GRIN2D: variants seen among roughly 807,000 people sequenced by gnomAD.
GRIN2D encodes glutamate ionotropic receptor NMDA type subunit 2D, also known as glutamate receptor ionotropic, NMDA 2D.
A neutral mutation model predicts 103.2 loss-of-function variants in GRIN2D; 37 were observed. The ratio of observed to expected loss-of-function variants is 0.36; its 90% CI spans 0.28 to 0.47. The LOEUF (loss-of-function observed/expected upper bound fraction) is 0.47, where lower values mean the gene tolerates loss of function less well. Among genes scored for constraint, GRIN2D ranks in the 20% least tolerant of loss-of-function variants. The pLI, the probability that GRIN2D is intolerant of heterozygous loss-of-function variation, is 1.00. For synonymous variants in GRIN2D, 845 were observed against 885.6 expected, an observed-to-expected ratio of 0.95 and a Z score of 0.81; for missense variants, 1,557 against 1,910.6, an observed-to-expected ratio of 0.81 and a Z score of 3.45.
At chr19:48,439,803 C>T (rs1477301534) in intron 11 of GRIN2D, among the ~76,000 whole-genome samples, 4 of 152,094 alleles carry the variant, frequency 2.6e-5, no homozygotes, top group East Asian at 1.9e-4. Flanking sequence ...ATTAGCCAGG[C>T]GTGGTGGCAC....
At position 48,443,872 on chromosome 19, in the gene GRIN2D, C is replaced by T; in HGVS notation, c.3946C>T (p.Arg1316Trp). 2.0e-6 allele frequency: 3 copies of T among 1,479,344 alleles called. No individual in the cohort carries two copies. The highest frequency in any genetic ancestry group is 2.7e-6 in the Non-Finnish European group (3 of 1,122,760). The allele number at this position is 1,479,344 out of a possible 1,614,324, so 91.6% of individuals were successfully genotyped here. ...PLPTASHRRH[R>W]GGDLGTRRGS... ...GCCCACAGCTTCCCACCGGAGACACCGGGGCGGGGACCTGGGCACCCGCAG... is the reference window on the plus strand; with the variant it reads ...GCCCACAGCTTCCCACCGGAGACACTGGGGCGGGGACCTGGGCACCCGCAG... The change falls in exon 14 of 14, where the codon CGG becomes TGG. Residue 1316 changes from arginine (R) to tryptophan (W), a missense_variant. Around this residue, in one of 7 missense-constraint regions of GRIN2D, gnomAD observed 88 missense variants for 84.3 expected, o/e 1.04. Coordinates refer to ENST00000263269, the MANE Select transcript of GRIN2D (RefSeq NM_000836.4). The surrounding 1 kb of genome is among the most constrained non-coding windows in gnomAD (Gnocchi z 8.9).
In GRIN2D at chr19:48,398,575, G is replaced by C. The variant is rs1012243400; in HGVS notation, c.183G>C (p.Ala61=). ...LNVALVFSGP[A]YAAEAARLGP... is the part of the protein sequence containing the mutation. ...TGGCGCTCGTGTTCTCGGGGCCCGC[G>C]TACGCGGCCGAGGCGGCACGCCTGG... The change falls in exon 3 of 14, where the codon GCG becomes GCC. Residue 61 remains alanine (A), a synonymous_variant. Transcript: ENST00000263269. The C allele has an allele frequency of 1.7e-6, 2 of 1,188,876 alleles. No individual in the cohort carries two copies. Among genetic ancestry groups the C allele is most frequent in the African/African-American group, 3.2e-5 (2 of 62,348 alleles). The allele number at this position is 1,188,876 out of a possible 1,614,324, so 73.6% of individuals were successfully genotyped here.
intron 11 of GRIN2D, among the ~76,000 whole-genome samples, chr19:48,437,650 C>G (rs56125279): frequency 0.15 from 23,088 of 152,124 alleles, 2,130 homozygotes; most frequent in South Asian, 0.29. Context: ...CTGAGGACCC[C>G]TGGAGACACT....
At position 48,394,017 on chromosome 19, in the gene GRIN2D, C is replaced by G. The variant is rs1049871994; in HGVS notation, c.-306+149C>G. Among the ~76,000 whole-genome samples the G allele has an allele frequency of 2.6e-5, 4 of 151,990 alleles. No homozygotes were observed. The highest frequency in any genetic ancestry group is 9.7e-5 in the African/African-American group (4 of 41,368). On this transcript the variant is annotated intron_variant, in intron 1 of 13. Coordinates refer to ENST00000263269, the MANE Select transcript of GRIN2D (RefSeq NM_000836.4). This position sits in a 1 kb window ranked among gnomAD's most constrained non-coding sequence, Gnocchi z 5.1. ...GGGTGTCGTGGGGCTCCCGCTCCTT[C>G]CCCCCGGCCCCCCCAAACCCAGATG...
At chr19:48,425,665 A>ATT (rs1971077618) in intron 11 of GRIN2D, among the ~76,000 whole-genome samples, 1 of 152,200 alleles carries the variant, frequency 6.6e-6, no homozygotes, top group African/African-American at 2.4e-5. Flanking sequence ...CCTTGAGTTC[A>ATT]GAGAAAGCAG....
In GRIN2D at chr19:48,442,730, G is replaced by A; in HGVS notation, c.2804G>A (p.Arg935His). Residue 935 changes from arginine (R) to histidine (H), a missense_variant, in exon 14 of 14, where the codon CGC becomes CAC. Transcript: ENST00000263269. This position sits in a 1 kb window ranked among gnomAD's most constrained non-coding sequence, Gnocchi z 7.2. ...PAPGPAPFVPRERASVDRWRR... is the reference protein window; with the variant it reads ...PAPGPAPFVPHERASVDRWRR... ...CCCGGGCCCGCACCTTTCGTGCCCC[G>A]CGAGCGCGCCTCAGTGGACCGCTGG... 1 of 1,112,408 alleles carries A rather than the reference G, an allele frequency of 9.0e-7. No individual in the cohort carries two copies. The highest frequency in any genetic ancestry group is 1.1e-6 in the Non-Finnish European group (1 of 910,852). 68.9% of individuals were successfully genotyped at this position (1,112,408 alleles called of 1,614,324 possible).
At chr19:48,438,115 C>A (rs1971252085) in intron 11 of GRIN2D, among the ~76,000 whole-genome samples, 1 of 151,966 alleles carries the variant, frequency 6.6e-6, no homozygotes, top group Non-Finnish European at 1.5e-5. Context: ...CAAACAACCA[C>A]ACACACACGG....
At position 48,421,815 on chromosome 19, in the gene GRIN2D, C is replaced by T. The variant is rs140715087; in HGVS notation, c.2122C>T (p.Leu708=). The change falls in exon 11 of 14, where the codon CTG becomes TTG. Residue 708 remains leucine, a synonymous_variant. Coordinates refer to ENST00000263269, the MANE Select transcript of GRIN2D (RefSeq NM_000836.4). The surrounding 1 kb of genome is among the most constrained non-coding windows in gnomAD (Gnocchi z 4.8). ...FQRPQEQYPP[L]KFGTVPNGST... is the part of the protein sequence containing the mutation. ...GAGGCCCCAGGAGCAGTACCCGCCC[C>T]TGAAGTTTGGGACCGTGCCCAACGG... 2.7e-5 allele frequency: 43 copies of T among 1,614,034 alleles called. No homozygotes were observed. The highest frequency in any genetic ancestry group is 3.3e-5 in the Non-Finnish European group (39 of 1,180,022).
intron 2 of GRIN2D, among the ~76,000 whole-genome samples, chr19:48,397,739 CCTT>C (rs1228002053): frequency 6.6e-5 from 10 of 151,744 alleles, no homozygotes; most frequent in African/African-American, 1.5e-4. Flanking sequence ...CCGTCTCTCT[CCTT>C]CTTCCTGCCG....
At chr19:48,404,325 A>G (rs1970755307) in intron 3 of GRIN2D, among the ~76,000 whole-genome samples, 3 of 151,314 alleles carry the variant, frequency 2.0e-5, no homozygotes, top group African/African-American at 7.3e-5. Context: ...TCAGGCTCTC[A>G]CCCTCTTGTA....
chr19:48,395,945 G>A (rs1339086137), intron 2 of GRIN2D, among the ~76,000 whole-genome samples: 2 of 151,904 alleles, frequency 1.3e-5, no homozygotes, highest in East Asian at 1.9e-4. Context: ...CTGGGTCCTG[G>A]GAAAGAACAG....
In GRIN2D at chr19:48,443,286, CCTGGGCGGCGCGTCG is replaced by C. The variant is rs777468095; in HGVS notation, c.3370_3384del (p.Ala1124_Gly1128del). The C allele has an allele frequency of 4.8e-5, 74 of 1,536,146 alleles. 2 individuals are homozygous for C. In the South Asian group the frequency reaches 8.4e-4, roughly 17 times the overall value. ...CGTCGGACTCGGAGGACTCGGAGAGCCTGGGCGGCGCGTCGCTGGGCGGCCTGGAGCCCTGGTGGT... is the reference window on the plus strand; with the variant it reads ...CGTCGGACTCGGAGGACTCGGAGAGCCTGGGCGGCCTGGAGCCCTGGTGGT... On this transcript the variant is annotated inframe_deletion, in exon 14 of 14. Transcript: ENST00000263269. This position sits in a 1 kb window ranked among gnomAD's most constrained non-coding sequence, Gnocchi z 8.9.
At chr19:48,438,287 C>CTTTTTTTTTTTTTTTTTTTTTTTTT (rs71181697) in intron 11 of GRIN2D, among the ~76,000 whole-genome samples, 1 of 57,726 alleles carries the variant, frequency 1.7e-5, no homozygotes, top group Non-Finnish European at 2.9e-5. Flanking sequence ...ATCCAGCCGC[C>CTTTTTTTTTTTTTTTTTTTTTTTTT]TTTTTTTTTT....
intron 11 of GRIN2D, among the ~76,000 whole-genome samples, chr19:48,431,229 GT>G (rs992835015): frequency 3.9e-5 from 6 of 152,148 alleles, no homozygotes; most frequent in Non-Finnish European, 8.8e-5. Context: ...TTCATCTCTG[GT>G]TTGGATCCTG....
Position 48,399,854 on chromosome 19 carries a change from G to C in GRIN2D, c.465+997G>C, listed in dbSNP as rs1472283831. Among the ~76,000 whole-genome samples, 7 of 118,822 alleles carry C rather than the reference G, an allele frequency of 5.9e-5. No individual in the cohort carries two copies. In the East Asian group the frequency reaches 2.0e-3, roughly 34 times the overall value. 78.0% of individuals were successfully genotyped at this position (118,822 alleles called of 152,430 possible). ...GGCCAGTCAGGGAAGGAGTGAGTCAGAAAAGGGGGCGGGGCTAGCCAGTTG... is the reference window on the plus strand; with the variant it reads ...GGCCAGTCAGGGAAGGAGTGAGTCACAAAAGGGGGCGGGGCTAGCCAGTTG... On this transcript the variant is annotated intron_variant, in intron 3 of 13. Coordinates refer to ENST00000263269, the MANE Select transcript of GRIN2D (RefSeq NM_000836.4).
chr19:48,398,679 C>T lies in GRIN2D; in HGVS notation c.287C>T (p.Pro96Leu). The T allele has an allele frequency of 6.9e-7, 1 of 1,457,824 alleles. No homozygotes were observed. The highest frequency in any genetic ancestry group is 9.0e-7 in the Non-Finnish European group (1 of 1,108,902). 90.3% of individuals were successfully genotyped at this position (1,457,824 alleles called of 1,614,324 possible). The change falls in exon 3 of 14, where the codon CCG becomes CTG. Residue 96 changes from proline (P) to leucine (L), a missense_variant. By Grantham distance (98) the Pro-to-Leu change is moderately conservative. Coordinates refer to ENST00000263269, the MANE Select transcript of GRIN2D (RefSeq NM_000836.4). The part of the protein sequence containing the change: ...PVALVLNGSD[P>L]RSLVLQLCDL... Reference sequence around the variant, plus strand: ...GCGCTGGTGCTCAACGGCTCGGACCCGCGCAGCCTCGTGCTGCAGCTCTGC... The same window carrying T: ...GCGCTGGTGCTCAACGGCTCGGACCTGCGCAGCCTCGTGCTGCAGCTCTGC...
chr19:48,426,821 G>C (rs1331615522), intron 11 of GRIN2D, among the ~76,000 whole-genome samples: 1 of 151,838 alleles, frequency 6.6e-6, no homozygotes, highest in Non-Finnish European at 1.5e-5. Flanking sequence ...CTGACCTCAA[G>C]TGATCTGCCC....
intron 4 of GRIN2D, among the ~76,000 whole-genome samples, chr19:48,407,087 C>T (rs575312074): frequency 1.3e-5 from 2 of 151,546 alleles, no homozygotes; most frequent in African/African-American, 4.9e-5. Flanking sequence ...AAGCGATTCT[C>T]CTGCCTCAGC....
chr19:48,415,956 G>T (rs1027730014), intron 7 of GRIN2D, 46 bp from the exon 8 acceptor site: 4 of 1,572,324 alleles, frequency 2.5e-6, no homozygotes, highest in Non-Finnish European at 1.7e-6. Flanking sequence ...CAGTCTGTCC[G>T]CTTGAGCCGG....
Sources: gnomAD v4.1 joint callset for allele counts (sites outside exome capture counted in the v4.1 genomes callset) on GRCh38, gnomAD v4.1.1 for gene constraint, gnomAD v4.1.1 regional missense constraint, Gnocchi (gnomAD v3.1) non-coding constraint, MANE v1.5 for transcripts, NCBI Gene and HGNC (gene_info 2026-07-23, HGNC 2026-07-21) for gene names.